The following BNC2 variants were observed in gnomAD, a reference collection of about 807,000 sequenced individuals.
BNC2 encodes basonuclin zinc finger protein 2, also known as zinc finger protein basonuclin-2.
Under a neutral mutation model 76.3 loss-of-function variants are expected in BNC2, and 20 were observed. That is an observed-to-expected ratio of 0.26 (90% CI 0.18 to 0.38). The LOEUF is 0.38. BNC2 is among the 10% of genes least tolerant of loss of function. BNC2 has a pLI of 1.00. For synonymous variants in BNC2, 582 were observed against 514.8 expected (o/e 1.13, Z -1.77); for missense variants, 1,382 against 1,399.8 (o/e 0.99, Z 0.20).
intron 3 of BNC2, among the ~76,000 whole-genome samples, chr9:16,600,348 C>T (rs1232899315): frequency 6.6e-6 from 1 of 152,074 alleles, no homozygotes; most frequent in Admixed American, 6.5e-5. Flanking sequence ...AAATGTGAGG[C>T]TATTATTTTA....
intron 4 of BNC2, chr9:16,575,242 C>T (rs943572746): frequency 1.2e-5 from 12 of 984,238 alleles, no homozygotes; most frequent in Non-Finnish European, 9.7e-6. Context: ...ACATTCTTAC[C>T]TATTTTGTAT....
intron 5 of BNC2, among the ~76,000 whole-genome samples, chr9:16,474,374 T>C (rs1587070754): frequency 6.6e-6 from 1 of 152,182 alleles, no homozygotes; most frequent in Admixed American, 6.5e-5. Flanking sequence ...AGGACCTGAA[T>C]GAAGGGAGAA....
At position 16,410,462 on chromosome 9, in the gene BNC2, T is replaced by C. The variant is rs959581397; in HGVS notation, c.*8527A>G. 1 of 152,628 alleles carries C rather than the reference T, an allele frequency of 6.6e-6. No individual in the cohort carries two copies. The highest frequency in any genetic ancestry group is 1.5e-5 in the Non-Finnish European group (1 of 68,040). 9.5% of individuals were successfully genotyped at this position (152,628 alleles called of 1,614,324 possible). On this transcript the variant is annotated 3_prime_UTR_variant, in exon 7 of 7. Transcript: ENST00000380672. Reference sequence around the variant, plus strand: ...CCCAGGTTTAGCTCTCCTGCATTCTTTATACTGGCACTGGCAGGAAAATGG... The same window carrying C: ...CCCAGGTTTAGCTCTCCTGCATTCTCTATACTGGCACTGGCAGGAAAATGG...
chr9:16,560,646 T>C (rs1223867248), intron 4 of BNC2, among the ~76,000 whole-genome samples: 6 of 152,170 alleles, frequency 3.9e-5, no homozygotes, highest in Admixed American at 6.5e-5. Context: ...GAGGATCACT[T>C]GAGCCCAGGA....
At position 16,471,470 on chromosome 9, in the gene BNC2, T is replaced by A. The variant is rs1163901955; in HGVS notation, c.670-33946A>T. On this transcript the variant is annotated intron_variant, in intron 5 of 6. Transcript: ENST00000380672. ...CACCATGCCCAGCTGATTTTTGTAG[T>A]TTTAGTAGAGACAGGGTTTCACTAT... is the stretch of plus-strand genomic sequence containing the variant. Among the ~76,000 whole-genome samples the A allele has an allele frequency of 2.0e-5, 3 of 152,006 alleles. No individual in the cohort carries two copies. In the East Asian group the frequency reaches 5.8e-4, roughly 29 times the overall value.
At chr9:16,576,577 G>A (rs1186354357) in intron 4 of BNC2, among the ~76,000 whole-genome samples, 2 of 152,150 alleles carry the variant, frequency 1.3e-5, no homozygotes, top group Admixed American at 6.5e-5. Flanking sequence ...AAATAATAAA[G>A]ACATGTGAAC....
intron 4 of BNC2, among the ~76,000 whole-genome samples, chr9:16,560,105 A>G (rs183648389): frequency 6.6e-6 from 1 of 152,292 alleles, no homozygotes; most frequent in African/African-American, 2.4e-5. Context: ...GTTGAAACAG[A>G]CTGCTGGGCC....
chr9:16,767,523 T>C (rs976550203), intron 1 of BNC2, among the ~76,000 whole-genome samples: 4 of 142,940 alleles, frequency 2.8e-5, no homozygotes, highest in African/African-American at 1.0e-4. Context: ...AGGACAGAAA[T>C]GGCTTCAGAG....
chr9:16,720,864 A>C (rs1824135490), intron 3 of BNC2, among the ~76,000 whole-genome samples: 2 of 152,166 alleles, frequency 1.3e-5, no homozygotes, highest in African/African-American at 4.8e-5. Flanking sequence ...CGTGGCATGA[A>C]ATGCTACATA....
intron 1 of BNC2, among the ~76,000 whole-genome samples, chr9:16,742,545 A>C (rs1346691013): frequency 4.6e-5 from 7 of 152,166 alleles, no homozygotes; most frequent in Non-Finnish European, 1.0e-4. Flanking sequence ...CATCTACTAT[A>C]CTAGCAGCCC....
chr9:16,607,427 A>G (rs1820417307), intron 3 of BNC2, among the ~76,000 whole-genome samples: 1 of 152,154 alleles, frequency 6.6e-6, no homozygotes, highest in South Asian at 2.1e-4. Flanking sequence ...CTTGGCTGTA[A>G]CAATTCAAAC....
intron 5 of BNC2, among the ~76,000 whole-genome samples, chr9:16,529,076 T>G (rs541216416): frequency 6.6e-6 from 1 of 152,210 alleles, no homozygotes; most frequent in Non-Finnish European, 1.5e-5. Flanking sequence ...GCATATGTCT[T>G]CTGCTCTGTA....
intron 1 of BNC2, among the ~76,000 whole-genome samples, chr9:16,748,137 A>C (rs1381571654): frequency 6.6e-6 from 1 of 152,224 alleles, no homozygotes; most frequent in Non-Finnish European, 1.5e-5. Context: ...AACAGGAGAA[A>C]GAGAGAGTAG....
chr9:16,614,940 A>G, intron 3 of BNC2, among the ~76,000 whole-genome samples: 1 of 139,748 alleles, frequency 7.2e-6, no homozygotes, highest in African/African-American at 2.8e-5. Context: ...TGGATGACAG[A>G]GTGAGACTCT....
chr9:16,689,432 T>A (rs570011677), intron 3 of BNC2, among the ~76,000 whole-genome samples: 1 of 152,184 alleles, frequency 6.6e-6, no homozygotes, highest in African/African-American at 2.4e-5. Flanking sequence ...ATTTTACTTT[T>A]AAATATTAAA....
rs939712352 is a variant in BNC2, at chr9:16,413,180, AT to A, written c.*5808del. 1.6e-4 allele frequency: 21 copies of A among 133,126 alleles called. No individual in the cohort carries two copies. Among genetic ancestry groups the A allele is most frequent in the African/African-American group, 6.1e-4 (21 of 34,300 alleles). 8.2% of individuals were successfully genotyped at this position (133,126 alleles called of 1,614,324 possible). On this transcript the variant is annotated 3_prime_UTR_variant, in exon 7 of 7. Transcript: ENST00000380672. ...CTGAGCCTTGGTCTTCATATCCTAT[AT>A]AAAAAAGATTTTTTTTTTTCCTGCA...
intron 1 of BNC2, among the ~76,000 whole-genome samples, chr9:16,758,886 T>A (rs1269601881): frequency 6.7e-6 from 1 of 150,002 alleles, no homozygotes; most frequent in Non-Finnish European, 1.5e-5. Flanking sequence ...GTATTTATAC[T>A]CACAGATGTA....
chr9:16,777,201 G>T (rs556765997), intron 1 of BNC2, among the ~76,000 whole-genome samples: 1 of 152,006 alleles, frequency 6.6e-6, no homozygotes, highest in Non-Finnish European at 1.5e-5. Context: ...ACAGTGGTTT[G>T]GGGCAGACAA....
chr9:16,793,861 TTTTTTTG>T (rs1355035428), intron 1 of BNC2, among the ~76,000 whole-genome samples: 2 of 35,680 alleles, frequency 5.6e-5, no homozygotes, highest in African/African-American at 9.4e-5. Flanking sequence ...GTGGTTTTTG[TTTTTTTG>T]TTTTTTTTTT....
Sources: allele counts gnomAD v4.1 joint callset (sites outside exome capture counted in the v4.1 genomes callset), GRCh38; gene constraint gnomAD v4.1.1; transcripts MANE v1.5; gene names NCBI Gene and HGNC (gene_info 2026-07-23, HGNC 2026-07-21).